Variants in IFT88 observed in about 807,000 individuals in gnomAD.
The protein encoded by IFT88 is intraflagellar transport protein 88 homolog.
A neutral mutation model predicts 119.5 loss-of-function variants in IFT88; 74 were observed. The observed-to-expected ratio is 0.62, with a 90% confidence interval of 0.51 to 0.75. The LOEUF is 0.75. Among genes scored for constraint, IFT88 ranks in the 30% least tolerant of loss-of-function variants. The pLI, the probability that IFT88 is intolerant of heterozygous loss-of-function variation, is 0.00. For missense variants in IFT88, 961 were observed against 977.7 expected (o/e 0.98, Z 0.23); for synonymous variants, 279 against 316.7 (o/e 0.88, Z 1.26).
At chr13:20,656,119 CTT>C (rs2052734513) in intron 21 of IFT88, among the ~76,000 whole-genome samples, 1 of 4,064 alleles carries the variant, frequency 2.5e-4, no homozygotes, top group Non-Finnish European at 6.1e-4. Context: ...GACCTCGTCT[CTT>C]TAAAAAAAAA....
In IFT88 at chr13:20,596,166, A is replaced by T. The variant is rs368880394; in HGVS notation, c.415A>T (p.Lys139Ter). 7.3e-6 allele frequency: 11 copies of T among 1,515,308 alleles called. No individual in the cohort carries two copies. Among genetic ancestry groups the T allele is most frequent in the Non-Finnish European group, 2.7e-6 (3 of 1,117,398 alleles). The allele number at this position is 1,515,308 out of a possible 1,614,324, so 93.9% of individuals were successfully genotyped here. Residue 139 changes from lysine (K) to a stop codon, truncating the protein, a stop_gained, in exon 8 of 26, where the codon AAG becomes TAG. Transcript: ENST00000351808. LOFTEE classifies it high-confidence loss of function. The stretch of plus-strand genomic sequence containing the variant: ...CTTTAATAGCCCAGAGGAAAAAATA[A>T]AGCAATTAGAGAAGGAAGTAAATGA... Reference protein sequence around the residue: ...KKKDSPEEKIKQLEKEVNELV... With the variant: ...KKKDSPEEKI
In IFT88 at chr13:20,598,720, G is replaced by A. The variant is rs752725491; in HGVS notation, c.664G>A (p.Val222Ile). 6.2e-7 allele frequency: 1 copy of A among 1,609,284 alleles called. No homozygotes were observed. Among genetic ancestry groups the A allele is most frequent in the Non-Finnish European group, 8.5e-7 (1 of 1,176,538 alleles). ...TGCCGAAGCACTTAACACTTATCAA[G>A]TTATAGTCAAAAATAAGATGTTTAG... is the stretch of plus-strand genomic sequence containing the variant. ...MYAEALNTYQ[V>I]IVKNKMFSNA... Residue 222 changes from valine (V) to isoleucine (I), a missense_variant, in exon 10 of 26, where the codon GTT (valine) becomes ATT (isoleucine). Coordinates refer to ENST00000351808, the MANE Select transcript of IFT88 (RefSeq NM_006531.5).
At chr13:20,660,040 G>C (rs879904571) in intron 22 of IFT88, among the ~76,000 whole-genome samples, 4 of 152,198 alleles carry the variant, frequency 2.6e-5, no homozygotes, top group Non-Finnish European at 5.9e-5. Flanking sequence ...GGATGTAGCA[G>C]AAAACAAAAG....
intron 12 of IFT88, among the ~76,000 whole-genome samples, chr13:20,604,615 T>G (rs1163397580): frequency 6.6e-6 from 1 of 152,146 alleles, no homozygotes; most frequent in Non-Finnish European, 1.5e-5. Flanking sequence ...AAGGATTAAT[T>G]TACTCTCCCT....
At chr13:20,678,342 G>A (rs1314289560) in intron 24 of IFT88, among the ~76,000 whole-genome samples, 1 of 152,206 alleles carries the variant, frequency 6.6e-6, no homozygotes, top group Non-Finnish European at 1.5e-5. Context: ...GGGACCAGGG[G>A]GCTGACAGCC....
chr13:20,628,214 A>G, intron 15 of IFT88, among the ~76,000 whole-genome samples: 1 of 151,618 alleles, frequency 6.6e-6, no homozygotes, highest in East Asian at 1.9e-4. Context: ...TTTTTTTTCC[A>G]AGAAAAAGAT....
chr13:20,620,912 C>T (rs2139811659), intron 14 of IFT88, among the ~76,000 whole-genome samples: 1 of 152,282 alleles, frequency 6.6e-6, no homozygotes, highest in Admixed American at 6.5e-5. Flanking sequence ...TATGTGAGGA[C>T]ACAGCAAAAA....
intron 15 of IFT88, among the ~76,000 whole-genome samples, chr13:20,629,694 T>C (rs2047905099): frequency 6.6e-6 from 1 of 152,214 alleles, no homozygotes; most frequent in Non-Finnish European, 1.5e-5. Flanking sequence ...GGTCAAACAC[T>C]GCACAGCCCA....
intron 20 of IFT88, among the ~76,000 whole-genome samples, chr13:20,645,695 T>G (rs1008062434): frequency 6.6e-6 from 1 of 152,218 alleles, no homozygotes; most frequent in Admixed American, 6.5e-5. Context: ...TATCAGAATG[T>G]GTTATACATA....
chr13:20,654,641 G>C (rs2052425951), intron 21 of IFT88, among the ~76,000 whole-genome samples: 1 of 152,150 alleles, frequency 6.6e-6, no homozygotes, highest in Non-Finnish European at 1.5e-5. Flanking sequence ...CCAGTTTCGG[G>C]GGAGGTTTCC....
chr13:20,670,959 T>C lies in IFT88; in HGVS notation c.2176-14T>C. The C allele has an allele frequency of 6.2e-7, 1 of 1,610,608 alleles. No homozygotes were observed. Among genetic ancestry groups the C allele is most frequent in the Non-Finnish European group, 8.5e-7 (1 of 1,178,488 alleles). ...AGCACTTATTCTTTTAAACTTGTCT[T>C]CTCTTTGCTCTAGCGCATAAAGTCA... On this transcript the variant is annotated splice_polypyrimidine_tract_variant and intron_variant, in intron 23 of 25. Coordinates refer to ENST00000351808, the MANE Select transcript of IFT88 (RefSeq NM_006531.5).
intron 24 of IFT88, among the ~76,000 whole-genome samples, chr13:20,686,961 C>G (rs1159435587): frequency 6.9e-6 from 1 of 145,374 alleles, no homozygotes; most frequent in Non-Finnish European, 1.5e-5. Flanking sequence ...GCCTCAGCTT[C>G]CTGAGTAGCT....
chr13:20,593,424 G>GT, intron 7 of IFT88, among the ~76,000 whole-genome samples: 1 of 151,758 alleles, frequency 6.6e-6, no homozygotes, highest in Middle Eastern at 3.4e-3. Flanking sequence ...TTCAAACCCA[G>GT]TTTTTCTAGT....
At chr13:20,679,562 GTAT>G (rs1566467737) in intron 24 of IFT88, among the ~76,000 whole-genome samples, 1 of 152,156 alleles carries the variant, frequency 6.6e-6, no homozygotes, top group East Asian at 1.9e-4. Context: ...AGAATGATCA[GTAT>G]TATACAAGGA....
intron 13 of IFT88, chr13:20,607,253 C>T: frequency 2.5e-6 from 1 of 406,310 alleles, no homozygotes; most frequent in South Asian, 1.9e-5. Flanking sequence ...CCCTGGCCTG[C>T]TGCTGCCGCA....
chr13:20,687,022 CAAAAAAAAA>C (rs370247448), intron 24 of IFT88, among the ~76,000 whole-genome samples: 3 of 59,834 alleles, frequency 5.0e-5, no homozygotes, highest in African/African-American at 1.4e-4. Flanking sequence ...ACTTTCTTAC[CAAAAAAAAA>C]AAAAAAAAAA....
intron 3 of IFT88, among the ~76,000 whole-genome samples, chr13:20,585,467 G>T (rs968107456): frequency 1.3e-5 from 2 of 152,222 alleles, no homozygotes; most frequent in Non-Finnish European, 2.9e-5. Flanking sequence ...CCTAACCACA[G>T]TGTGACAGTA....
At chr13:20,647,259 TG>T (rs2050897700) in intron 20 of IFT88, among the ~76,000 whole-genome samples, 1 of 152,238 alleles carries the variant, frequency 6.6e-6, no homozygotes, top group Non-Finnish European at 1.5e-5. Context: ...TTTGAGCATT[TG>T]TTTTCTATAC....
chr13:20,580,402 AG>A (rs2038332054), intron 2 of IFT88, among the ~76,000 whole-genome samples: 1 of 152,080 alleles, frequency 6.6e-6, no homozygotes, highest in South Asian at 2.1e-4. Flanking sequence ...CTGTAATCTC[AG>A]CTGCTTGGAA....
Sources: allele counts gnomAD v4.1 joint callset (sites outside exome capture counted in the v4.1 genomes callset), GRCh38; gene constraint gnomAD v4.1.1; transcripts MANE v1.5; gene names NCBI Gene and HGNC (gene_info 2026-07-23, HGNC 2026-07-21).